The following TMBIM4 variants were observed in gnomAD, a reference collection of about 807,000 sequenced individuals.
TMBIM4 encodes transmembrane BAX inhibitor motif containing 4, also known as protein lifeguard 4.
TMBIM4 carries 28 observed loss-of-function variants against 27.7 expected under a neutral mutation model. That is an observed-to-expected ratio of 1.01 (90% CI 0.75 to 1.38). The LOEUF is 1.38. TMBIM4 is among the 40% of genes most tolerant of loss of function. TMBIM4 has a pLI of 0.00. For missense variants in TMBIM4, 265 were observed against 277.5 expected (o/e 0.95, Z 0.32); for synonymous variants, 115 against 113.1 (o/e 1.02, Z -0.11).
intron 1 of TMBIM4, among the ~76,000 whole-genome samples, chr12:66,165,964 TG>T (rs1290976582): frequency 9.2e-5 from 14 of 152,348 alleles, no homozygotes; most frequent in Middle Eastern, 3.4e-3. Flanking sequence ...TGCCTGTTTT[TG>T]GTGTCACGCC....
chr12:66,158,227 CA>C (rs397947155), intron 1 of TMBIM4, among the ~76,000 whole-genome samples: 118 of 112,426 alleles, frequency 1.0e-3, no homozygotes, highest in African/African-American at 2.6e-3. Flanking sequence ...CTCCGTCTCA[CA>C]AAAAAAAAAA....
chr12:66,156,656 G>A (rs139661859), intron 1 of TMBIM4, among the ~76,000 whole-genome samples: 180 of 152,300 alleles, frequency 1.2e-3, no homozygotes, highest in Admixed American at 1.6e-3. Context: ...AAATGTGAAA[G>A]ATTTTATAGG....
chr12:66,155,821 G>A (rs940216227), intron 1 of TMBIM4, among the ~76,000 whole-genome samples: 1 of 152,146 alleles, frequency 6.6e-6, no homozygotes, highest in Non-Finnish European at 1.5e-5. Flanking sequence ...GTACACAAGT[G>A]CATATGTAAT....
chr12:66,153,551 T>G, intron 1 of TMBIM4, 103 bp from the exon 2 acceptor site: 1 of 550,066 alleles, frequency 1.8e-6, no homozygotes, highest in Non-Finnish European at 3.1e-6. Flanking sequence ...ACGTATTCTT[T>G]CCTAATTTTC....
intron 1 of TMBIM4, among the ~76,000 whole-genome samples, chr12:66,166,766 T>C (rs901961797): frequency 6.6e-6 from 1 of 152,238 alleles, no homozygotes; most frequent in Non-Finnish European, 1.5e-5. Context: ...ATTCTCTTAC[T>C]ATACAACACG....
chr12:66,147,211 TA>T (rs1279722310), intron 4 of TMBIM4, among the ~76,000 whole-genome samples: 1 of 152,050 alleles, frequency 6.6e-6, no homozygotes, highest in Non-Finnish European at 1.5e-5. Flanking sequence ...ATAGAAAGGT[TA>T]AAAAAACTAA....
rs1246379526 is a variant in TMBIM4 at position 66,169,624 on chromosome 12, T to G, written c.97+231A>C. ...GGCGCACACAGGACAGCCGCAAGCC[T>G]TCTGGGCCTGGCGCCCTCCCACACC... On this transcript the variant is annotated intron_variant, in intron 1 of 6. Coordinates refer to ENST00000358230, the MANE Select transcript of TMBIM4 (RefSeq NM_016056.4). 7 of 459,576 alleles carry G rather than the reference T, an allele frequency of 1.5e-5. No individual in the cohort carries two copies. The East Asian group carries it at 2.1e-4, about 14-fold the overall frequency. 28.5% of individuals were successfully genotyped at this position (459,576 alleles called of 1,614,324 possible). A position where few individuals can be genotyped will look rare whatever the true frequency, so the allele number is the denominator to read the frequency against.
intron 1 of TMBIM4, among the ~76,000 whole-genome samples, chr12:66,162,747 C>T (rs1044075828): frequency 2.0e-5 from 3 of 152,190 alleles, no homozygotes; most frequent in Non-Finnish European, 4.4e-5. Context: ...CCAATCTGCA[C>T]GTATATCCCA....
At chr12:66,158,307 C>G (rs2051977310) in intron 1 of TMBIM4, among the ~76,000 whole-genome samples, 1 of 151,250 alleles carries the variant, frequency 6.6e-6, no homozygotes, top group African/African-American at 2.4e-5. Context: ...ATTGTAAAAT[C>G]CTTAGTTAAG....
At chr12:66,159,447 A>G (rs903783997) in intron 1 of TMBIM4, among the ~76,000 whole-genome samples, 3 of 152,142 alleles carry the variant, frequency 2.0e-5, no homozygotes, top group Non-Finnish European at 4.4e-5. Context: ...GCAGTCCTGC[A>G]GTCATCTTGA....
chr12:66,160,960 TGGCGGCCG>T (rs2052027453), intron 1 of TMBIM4: 1 of 125,678 alleles, frequency 8.0e-6, no homozygotes, highest in East Asian at 5.1e-4. Context: ...GCAGACAGGG[TGGCGGCCG>T]GGCAGAGGCG....
intron 5 of TMBIM4, among the ~76,000 whole-genome samples, chr12:66,145,181 T>C (rs1180595587): frequency 6.6e-6 from 1 of 152,158 alleles, no homozygotes; most frequent in Non-Finnish European, 1.5e-5. Context: ...TCTGGTGTTC[T>C]GGATTACCAG....
rs748307919 is a variant in TMBIM4, at chr12:66,138,046, C to T, written c.631G>A (p.Val211Ile). ...LMHKLSPEEY[V>I]LAAISLYLDI... ...AAGTAGAGGCTGATGGCAGCTAATA[C>T]GTACTCTTCAGGTGACAGTTTATGC... The change falls in exon 7 of 7, where the codon GTA (valine) becomes ATA (isoleucine). Residue 211 changes from valine to isoleucine, a missense_variant. By Grantham distance (29) the Val-to-Ile change is conservative. Transcript: ENST00000358230. The T allele has an allele frequency of 1.2e-5, 19 of 1,613,960 alleles. No homozygotes were observed. Among genetic ancestry groups the T allele is most frequent in the East Asian group, 4.5e-5 (2 of 44,870 alleles).
At chr12:66,150,440 G>T (rs1414648326) in intron 3 of TMBIM4, among the ~76,000 whole-genome samples, 1 of 145,196 alleles carries the variant, frequency 6.9e-6, no homozygotes, top group Non-Finnish European at 1.5e-5. Flanking sequence ...TTTAAGACAG[G>T]GTCTCACTCT....
intron 1 of TMBIM4, among the ~76,000 whole-genome samples, chr12:66,165,419 C>CTTT (rs35278988): frequency 2.2e-5 from 3 of 137,886 alleles, no homozygotes; most frequent in African/African-American, 5.3e-5. Flanking sequence ...ATATATGATC[C>CTTT]TTTTTTTTTT....
At chr12:66,149,197 C>G (rs2051801179) in intron 3 of TMBIM4, among the ~76,000 whole-genome samples, 2 of 151,922 alleles carry the variant, frequency 1.3e-5, no homozygotes, top group Admixed American at 1.3e-4. Flanking sequence ...TCCCAGTACT[C>G]TGGGAGGCCG....
At chr12:66,150,751 T>C (rs1484018539) in intron 3 of TMBIM4, among the ~76,000 whole-genome samples, 18 of 152,106 alleles carry the variant, frequency 1.2e-4, no homozygotes, top group Admixed American at 1.2e-3. Context: ...AACTCAGAGA[T>C]TGAAGCAATG....
Position 66,169,968 on chromosome 12 carries a change from C to G in TMBIM4, c.-17G>C, listed in dbSNP as rs1345255208. ...GTCAGCCATGATGGCAACAGCACCC[C>G]TACCGGTCCCGGTCCACTAACCGCA... On this transcript the variant is annotated 5_prime_UTR_variant, in exon 1 of 7. Coordinates refer to ENST00000358230, the MANE Select transcript of TMBIM4 (RefSeq NM_016056.4). 1 of 1,474,800 alleles carries G rather than the reference C, an allele frequency of 6.8e-7. No homozygotes were observed. Among genetic ancestry groups the G allele is most frequent in the Non-Finnish European group, 9.0e-7 (1 of 1,112,932 alleles). 91.4% of individuals were successfully genotyped at this position (1,474,800 alleles called of 1,614,324 possible). A position where few individuals can be genotyped will look rare whatever the true frequency, so the allele number is the denominator to read the frequency against.
intron 1 of TMBIM4, 62 bp downstream of exon 1, chr12:66,169,793 G>A: frequency 1.5e-6 from 2 of 1,321,052 alleles, no homozygotes; most frequent in South Asian, 1.5e-5. Flanking sequence ...CCGGAAGTCG[G>A]CTTCTAGAGG....
Sources: allele counts gnomAD v4.1 joint callset (sites outside exome capture counted in the v4.1 genomes callset), GRCh38; gene constraint gnomAD v4.1.1; transcripts MANE v1.5; gene names NCBI Gene and HGNC (gene_info 2026-07-23, HGNC 2026-07-21).